The following MCM4 variants were observed in gnomAD, a reference collection of about 807,000 sequenced individuals.
The protein encoded by MCM4 is minichromosome maintenance complex component 4.
A neutral mutation model predicts 88.7 loss-of-function variants in MCM4; 60 were observed. The observed-to-expected ratio is 0.68, with a 90% CI of 0.55 to 0.84. The LOEUF (loss-of-function observed/expected upper bound fraction) is 0.84, where lower values mean the gene tolerates loss of function less well. Ranked by LOEUF, MCM4 falls within the 40% of genes least tolerant of loss-of-function variation. The pLI is 0.00. For synonymous variants in MCM4, 465 were observed against 410.5 expected (o/e 1.13, Z -1.61); for missense variants, 1,149 against 1,105.5 (o/e 1.04, Z -0.56).
At chr8:47,974,588 C>CT (rs1199929972) in intron 14 of MCM4, 146 bp from the exon 15 acceptor site, 1 of 684,442 alleles carries the variant, frequency 1.5e-6, no homozygotes, top group Non-Finnish European at 2.6e-6. Flanking sequence ...TCTGTGTAGT[C>CT]TCTACCACTT....
intron 15 of MCM4, chr8:47,975,167 G>A: frequency 2.2e-6 from 1 of 461,722 alleles, no homozygotes; most frequent in Non-Finnish European, 3.8e-6. Context: ...ACAGTTTTGT[G>A]TATAGTTTTT....
rs1184683500 is a variant in MCM4 at position 47,966,177 on chromosome 8, C to A, written c.833-10C>A. Reference sequence around the variant, plus strand: ...GGTCAGGTGTGCTGACCTCTCTTCTCCCCTCACAGACATTGACCAGCTCAT... The same window carrying A: ...GGTCAGGTGTGCTGACCTCTCTTCTACCCTCACAGACATTGACCAGCTCAT... On this transcript the variant is annotated splice_polypyrimidine_tract_variant and intron_variant, in intron 8 of 16. Transcript: ENST00000649973. 2 of 1,611,160 alleles carry A rather than the reference C, an allele frequency of 1.2e-6. No homozygotes were observed. Among genetic ancestry groups the A allele is most frequent in the South Asian group, 2.2e-5 (2 of 90,994 alleles).
In MCM4 at chr8:47,973,006, A is replaced by G. The variant is rs147992641; in HGVS notation, c.2078A>G (p.Tyr693Cys). The G allele has an allele frequency of 1.5e-5, 25 of 1,614,130 alleles. No homozygotes were observed. The Admixed American group carries it at 2.2e-4, about 14-fold the overall frequency. Residue 693 changes from tyrosine (Y) to cysteine (C), a missense_variant, in exon 14 of 17, where the codon TAC becomes TGC. Tyr to Cys is a radical substitution (Grantham distance 194, BLOSUM62 -2). Transcript: ENST00000649973. ...GCGGTGCTAAAGGACTACATTGCCT[A>G]CGCGCACAGCACCATCATGCCGCGG... ...DMAVLKDYIA[Y>C]AHSTIMPRLS...
rs896425509 is a variant in MCM4, at chr8:47,971,337, A to T, written c.1801-4A>T. ...GCTTCTAACTGCACTCTTTGCTCTG[A>T]TAGGCTGGGATCATCTGTCAGCTCA... On this transcript the variant is annotated splice_polypyrimidine_tract_variant and splice_region_variant and intron_variant, in intron 12 of 16. Transcript: ENST00000649973. 1.9e-6 allele frequency: 3 copies of T among 1,614,100 alleles called. No individual in the cohort carries two copies. The highest frequency in any genetic ancestry group is 2.5e-6 in the Non-Finnish European group (3 of 1,180,024).
chr8:47,964,690 T>G lies in MCM4; in HGVS notation c.810T>G (p.Asn270Lys). 1 of 1,571,838 alleles carries G rather than the reference T, an allele frequency of 6.4e-7. No individual in the cohort carries two copies. Among genetic ancestry groups the G allele is most frequent in the East Asian group, 2.3e-5 (1 of 43,184 alleles). The stretch of plus-strand genomic sequence containing the variant: ...CATTCAACGCATTGAAGACTAAGAA[T>G]ATGAGAAACCTGAATCCAGAAGGTA... ...VRPFNALKTK[N>K]MRNLNPEDID... The change falls in exon 8 of 17, where the codon AAT (asparagine) becomes AAG (lysine). Residue 270 changes from asparagine (N) to lysine (K), a missense_variant. Asn to Lys is a moderately conservative substitution (Grantham distance 94, BLOSUM62 0). Coordinates refer to ENST00000649973, the MANE Select transcript of MCM4 (RefSeq NM_182746.3).
In MCM4 at chr8:47,967,383, C is replaced by T. The variant is rs760196909; in HGVS notation, c.1072C>T (p.Pro358Ser). 1.8e-5 allele frequency: 29 copies of T among 1,614,062 alleles called. No individual in the cohort carries two copies. The highest frequency in any genetic ancestry group is 2.4e-5 in the Non-Finnish European group (28 of 1,180,032). ...CCTTCAGATCAAGCTTCAGGAGTCT[C>T]CGGAAGACATGCCTGCAGGGCAGAC... ...DKQMIKLQESPEDMPAGQTPH... is the reference protein window; with the variant it reads ...DKQMIKLQESSEDMPAGQTPH... The change falls in exon 10 of 17, where the codon CCG becomes TCG. Residue 358 changes from proline (P) to serine (S), a missense_variant. Physicochemically the swap from Pro to Ser is moderately conservative, Grantham distance 74 (BLOSUM62 -1). Transcript: ENST00000649973.
At chr8:47,967,540 T>G in intron 10 of MCM4, 55 bp downstream of exon 10, 1 of 1,606,822 alleles carries the variant, frequency 6.2e-7, no homozygotes, top group Non-Finnish European at 8.5e-7. Flanking sequence ...CTTTCAATGC[T>G]GTGCTTTAGT....
chr8:47,966,466 C>A, intron 9 of MCM4, 59 bp downstream of exon 9: 1 of 1,473,040 alleles, frequency 6.8e-7, no homozygotes, highest in South Asian at 1.3e-5. Context: ...CTCAAAAGGC[C>A]AACTATAACT....
rs1486255829 is a variant in MCM4 at position 47,962,813 on chromosome 8, T to C, written c.551T>C (p.Val184Ala). 2 of 1,609,526 alleles carry C rather than the reference T, an allele frequency of 1.2e-6. No homozygotes were observed. The highest frequency in any genetic ancestry group is 1.7e-5 in the Admixed American group (1 of 58,914). The change falls in exon 6 of 17, where the codon GTT becomes GCT. Residue 184 changes from valine to alanine, a missense_variant. Around this residue, in one of 3 missense-constraint regions of MCM4, gnomAD observed 906 missense variants for 843.0 expected, o/e 1.07. Coordinates refer to ENST00000649973, the MANE Select transcript of MCM4 (RefSeq NM_182746.3). Reference protein sequence around the residue: ...IDPLAKEEENVGIDITEPLYM... With the variant: ...IDPLAKEEENAGIDITEPLYM... ...CCTCTGGCTAAAGAAGAAGAAAATG[T>C]TGGCATAGATATTACTGAACCTCTA... is the stretch of plus-strand genomic sequence containing the variant.
intron 7 of MCM4, among the ~76,000 whole-genome samples, chr8:47,963,352 T>A (rs1468491005): frequency 6.6e-6 from 1 of 151,718 alleles, no homozygotes; most frequent in African/African-American, 2.4e-5. Flanking sequence ...TACTCGGGAG[T>A]CTGAAGCGAT....
intron 13 of MCM4, among the ~76,000 whole-genome samples, chr8:47,971,981 C>T (rs1336002955): frequency 6.6e-5 from 10 of 151,860 alleles, no homozygotes; most frequent in Non-Finnish European, 1.2e-4. Flanking sequence ...CCTGTAATTC[C>T]AGCACTTTGG....
chr8:47,974,059 CT>C (rs2090979286), intron 14 of MCM4: 1 of 152,134 alleles, frequency 6.6e-6, no homozygotes, highest in African/African-American at 2.4e-5. Flanking sequence ...TTTAGGTTCA[CT>C]TTTCAGCATC....
Position 47,976,678 on chromosome 8 carries a change from C to A in MCM4, c.2500-8C>A. 6.2e-7 allele frequency: 1 copy of A among 1,605,188 alleles called. No individual in the cohort carries two copies. Among genetic ancestry groups the A allele is most frequent in the Non-Finnish European group, 8.5e-7 (1 of 1,172,356 alleles). On this transcript the variant is annotated splice_polypyrimidine_tract_variant and splice_region_variant and intron_variant, in intron 16 of 16. Transcript: ENST00000649973. Reference sequence around the variant, plus strand: ...GTACAATATTTATTTTCTTTCTCTTCCCCACAGGCAATTACTAAAGATATG... The same window carrying A: ...GTACAATATTTATTTTCTTTCTCTTACCCACAGGCAATTACTAAAGATATG...
intron 12 of MCM4, 40 bp from the exon 13 acceptor site, chr8:47,971,301 G>A (rs374383442): frequency 9.4e-5 from 151 of 1,611,298 alleles, no homozygotes; most frequent in Non-Finnish European, 1.1e-4. Flanking sequence ...AATTGCCAGC[G>A]TCAGGGAGAG....
In MCM4 at chr8:47,967,492, G is replaced by A. The variant is rs199715059; in HGVS notation, c.1174+7G>A. ...GACAGAGTGAATGTTACAGGTAAGA[G>A]TGTAGGTTTGCACCAGCACTTGAGC... is the stretch of plus-strand genomic sequence containing the variant. On this transcript the variant is annotated splice_region_variant and intron_variant, in intron 10 of 16. Coordinates refer to ENST00000649973, the MANE Select transcript of MCM4 (RefSeq NM_182746.3). 2.8e-5 allele frequency: 46 copies of A among 1,614,130 alleles called. No individual in the cohort carries two copies. The highest frequency in any genetic ancestry group is 3.9e-5 in the Non-Finnish European group (46 of 1,179,964).
At position 47,969,958 on chromosome 8, in the gene MCM4, T is replaced by G. The variant is rs1022281563; in HGVS notation, c.1335T>G (p.Arg445=). The G allele has an allele frequency of 1.9e-6, 3 of 1,614,174 alleles. No individual in the cohort carries two copies. The African/African-American group carries it at 4.0e-5, about 22-fold the overall frequency. Reference sequence around the variant, plus strand: ...AACAGAAACTTTTTTCAGAGAAACGTGTGGAATTGCTTAAGGAACTTTCCA... The same window carrying G: ...AACAGAAACTTTTTTCAGAGAAACGGGTGGAATTGCTTAAGGAACTTTCCA... The part of the protein sequence containing the change: ...EAEQKLFSEK[R]VELLKELSRK... The change falls in exon 11 of 17, where the codon CGT becomes CGG. Residue 445 remains arginine, a synonymous_variant. Transcript: ENST00000649973.
At chr8:47,970,936 A>C (rs1295897426) in intron 12 of MCM4, 60 bp downstream of exon 12, 1 of 1,522,426 alleles carries the variant, frequency 6.6e-7, no homozygotes. Flanking sequence ...CCCTTGAAAG[A>C]CAGGGTCTGT....
At chr8:47,975,102 A>C (rs2090990057) in intron 15 of MCM4, 140 bp downstream of exon 15, 5 of 627,732 alleles carry the variant, frequency 8.0e-6, no homozygotes, top group Non-Finnish European at 1.4e-5. Context: ...CCCTTTGAGA[A>C]TCTGATGAAA....
Position 47,963,030 on chromosome 8 carries a change from CT to C in MCM4, c.685del (p.Tyr229ThrfsTer26). ...AAAAATTTGTACAGACAACTCATCT[CT>C]TACCCACAGGTAAGAATTTAGCTTT... Reference protein sequence around the residue: ...FDKNLYRQLISYPQEVIPTFD... With the variant: ...FDKNLYRQLIXYPQEVIPTFD... On this transcript the variant is annotated frameshift_variant, in exon 7 of 17. Transcript: ENST00000649973. LOFTEE classifies it high-confidence loss of function. 1 of 1,587,848 alleles carries C rather than the reference CT, an allele frequency of 6.3e-7. No homozygotes were observed. The highest frequency in any genetic ancestry group is 8.6e-7 in the Non-Finnish European group (1 of 1,164,798).
Sources: allele counts gnomAD v4.1 joint callset (sites outside exome capture counted in the v4.1 genomes callset), GRCh38; gene constraint gnomAD v4.1.1; regional missense constraint gnomAD v4.1.1; transcripts MANE v1.5; gene names NCBI Gene and HGNC (gene_info 2026-07-23, HGNC 2026-07-21).